The following TATDN3 variants were observed in gnomAD, a reference collection of about 807,000 sequenced individuals.
The protein encoded by TATDN3 is deoxyribonuclease TATDN3.
A neutral mutation model predicts 40.1 loss-of-function variants in TATDN3; 29 were observed. That is an observed-to-expected ratio of 0.72 (90% CI 0.54 to 0.99). The LOEUF is 0.99. TATDN3 is among the 50% of genes least tolerant of loss of function. The pLI is 0.00. For missense variants in TATDN3, 309 were observed against 321.9 expected (o/e 0.96, Z 0.31); for synonymous variants, 105 against 117.0 (o/e 0.90, Z 0.66).
intron 1 of TATDN3, among the ~76,000 whole-genome samples, chr1:212,794,380 C>G (rs1571944750): frequency 6.6e-6 from 1 of 151,936 alleles, no homozygotes; most frequent in East Asian, 1.9e-4. Context: ...CACCTGAGAT[C>G]AGGAGTTAAA....
At chr1:212,812,366 A>G in intron 9 of TATDN3, 38 bp downstream of exon 9, 1 of 1,103,602 alleles carries the variant, frequency 9.1e-7, no homozygotes. Context: ...TTTAGATTGT[A>G]TCTTTCATTT....
intron 1 of TATDN3, among the ~76,000 whole-genome samples, chr1:212,792,527 C>T (rs1351596260): frequency 2.1e-5 from 3 of 145,172 alleles, no homozygotes; most frequent in South Asian, 4.4e-4. Flanking sequence ...CCCAGCTACT[C>T]GGGAGGCTGA....
chr1:212,806,783 T>TATATATATATATATATAC (rs796710955), intron 7 of TATDN3, among the ~76,000 whole-genome samples: 11 of 79,516 alleles, frequency 1.4e-4, no homozygotes, highest in Admixed American at 3.7e-4. Flanking sequence ...TATATATATA[T>TATATATATATATATATAC]ACACACACAC....
At chr1:212,804,543 A>G in intron 6 of TATDN3, 53 bp from the exon 7 acceptor site, 1 of 1,588,444 alleles carries the variant, frequency 6.3e-7, no homozygotes, top group Non-Finnish European at 8.6e-7. Flanking sequence ...TAATAGATCA[A>G]AAACAATACT....
At chr1:212,795,045 T>G (rs774857306) in intron 1 of TATDN3, 50 bp from the exon 2 acceptor site, 1 of 1,460,384 alleles carries the variant, frequency 6.8e-7, no homozygotes, top group East Asian at 2.3e-5. Flanking sequence ...CAGTCCAAGA[T>G]TAGCTGCTTA....
chr1:212,812,774 G>A (rs539074958), intron 9 of TATDN3, among the ~76,000 whole-genome samples: 18 of 152,254 alleles, frequency 1.2e-4, no homozygotes, highest in Non-Finnish European at 1.9e-4. Flanking sequence ...AGGCCAAGGC[G>A]GGCAGATCAC....
At chr1:212,814,594 A>G (rs755106860) in intron 9 of TATDN3, among the ~76,000 whole-genome samples, 6 of 152,232 alleles carry the variant, frequency 3.9e-5, no homozygotes, top group Admixed American at 1.3e-4. Context: ...AATCTATTTC[A>G]TCTTTCCAAT....
chr1:212,791,955 C>T lies in TATDN3; in HGVS notation c.34C>T (p.His12Tyr), dbSNP rs1167012776. 9 of 1,613,998 alleles carry T rather than the reference C, an allele frequency of 5.6e-6. No individual in the cohort carries two copies. Among genetic ancestry groups the T allele is most frequent in the Admixed American group, 1.7e-5 (1 of 60,014 alleles). Residue 12 changes from histidine (H) to tyrosine (Y), a missense_variant, in exon 1 of 10, where the codon CAC becomes TAC. By Grantham distance (83) the His-to-Tyr change is moderately conservative. Coordinates refer to ENST00000366974, the MANE Select transcript of TATDN3 (RefSeq NM_001042552.3). ...GGCTGGCGTAGGCTTGGTGGACTGTCACTGCCACCTCTCCGCCCCGGACTT... is the reference window on the plus strand; with the variant it reads ...GGCTGGCGTAGGCTTGGTGGACTGTTACTGCCACCTCTCCGCCCCGGACTT... ...RAAGVGLVDC[H>Y]CHLSAPDFDR...
intron 7 of TATDN3, among the ~76,000 whole-genome samples, chr1:212,806,196 A>G (rs1662453590): frequency 6.6e-6 from 1 of 152,114 alleles, no homozygotes; most frequent in Non-Finnish European, 1.5e-5. Context: ...CTGACTATTG[A>G]GTTTGTGTCA....
intron 9 of TATDN3, among the ~76,000 whole-genome samples, chr1:212,813,658 G>A (rs1441240006): frequency 6.7e-6 from 1 of 149,568 alleles, no homozygotes; most frequent in Non-Finnish European, 1.5e-5. Flanking sequence ...TCTGGGTTCA[G>A]ATGATTCTCC....
intron 9 of TATDN3, among the ~76,000 whole-genome samples, chr1:212,813,739 C>T (rs1663032566): frequency 6.6e-6 from 1 of 151,728 alleles, no homozygotes; most frequent in African/African-American, 2.4e-5. Context: ...GAGACAGAGT[C>T]TTGCTCTGTC....
intron 4 of TATDN3, among the ~76,000 whole-genome samples, chr1:212,800,522 C>T (rs903992653): frequency 2.0e-5 from 3 of 152,006 alleles, no homozygotes; most frequent in African/African-American, 7.2e-5. Flanking sequence ...ACTTGTTCCA[C>T]TTTACTAATT....
intron 4 of TATDN3, chr1:212,797,429 A>G: frequency 2.1e-6 from 1 of 465,222 alleles, no homozygotes; most frequent in Non-Finnish European, 3.9e-6. Context: ...AGTGTTAAAT[A>G]TAATGCATTT....
chr1:212,795,993 C>G (rs2102431949), intron 2 of TATDN3, among the ~76,000 whole-genome samples: 1 of 152,294 alleles, frequency 6.6e-6, no homozygotes, highest in East Asian at 1.9e-4. Context: ...GTCCATCTTT[C>G]AGTTTTTAAA....
intron 4 of TATDN3, among the ~76,000 whole-genome samples, chr1:212,798,838 T>C (rs2102441425): frequency 6.6e-6 from 1 of 152,358 alleles, no homozygotes; most frequent in South Asian, 2.1e-4. Flanking sequence ...AGCTAGATTC[T>C]AGATGGCCCA....
rs1236410131 is a variant in TATDN3 at position 212,802,686 on chromosome 1, CT to C, written c.259-8del. On this transcript the variant is annotated splice_polypyrimidine_tract_variant and intron_variant, in intron 4 of 9. Coordinates refer to ENST00000366974, the MANE Select transcript of TATDN3 (RefSeq NM_001042552.3). Reference sequence around the variant, plus strand: ...CCTTTCTTCCATTTTAACAATTTTACTTTTTTTCTCCCAGGATTTGGATGTA... The same window carrying C: ...CCTTTCTTCCATTTTAACAATTTTACTTTTTTCTCCCAGGATTTGGATGTA... The C allele has an allele frequency of 2.5e-6, 4 of 1,597,318 alleles. No individual in the cohort carries two copies. The highest frequency in any genetic ancestry group is 1.7e-5 in the Admixed American group (1 of 59,914).
At position 212,812,719 on chromosome 1, in the gene TATDN3, T is replaced by C. The variant is rs553356588; in HGVS notation, c.681+391T>C. ...TAATAAATACATTAAAAGATTATGG[T>C]GGGCTGGGCACGGTGGCTCACACCT... On this transcript the variant is annotated intron_variant, in intron 9 of 9. Coordinates refer to ENST00000366974, the MANE Select transcript of TATDN3 (RefSeq NM_001042552.3). Among the ~76,000 whole-genome samples, 19 of 152,300 alleles carry C rather than the reference T, an allele frequency of 1.2e-4. No homozygotes were observed. In the East Asian group the frequency reaches 3.5e-3, roughly 28 times the overall value.
chr1:212,814,868 A>G lies in TATDN3; in HGVS notation c.682-145A>G. The stretch of plus-strand genomic sequence containing the variant: ...AACATTGCAGCCACACCTCCCTCCC[A>G]GCCCTCATCCCCACCTAAAAAGAAA... On this transcript the variant is annotated intron_variant, in intron 9 of 9. Transcript: ENST00000366974. The G allele has an allele frequency of 1.1e-5, 9 of 820,452 alleles. No individual in the cohort carries two copies. The South Asian group carries it at 1.7e-4, about 15-fold the overall frequency. The allele number at this position is 820,452 out of a possible 1,614,324, so 50.8% of individuals were successfully genotyped here.
At chr1:212,809,817 A>G (rs531821300) in intron 8 of TATDN3, among the ~76,000 whole-genome samples, 171 of 152,230 alleles carry the variant, frequency 1.1e-3, no homozygotes, top group Non-Finnish European at 1.9e-3. Flanking sequence ...TGAGGTTAGG[A>G]GTTCAAAACC....
Sources: allele counts gnomAD v4.1 joint callset (sites outside exome capture counted in the v4.1 genomes callset), GRCh38; gene constraint gnomAD v4.1.1; transcripts MANE v1.5; gene names NCBI Gene and HGNC (gene_info 2026-07-23, HGNC 2026-07-21).